TNFAIP8: variants seen among roughly 807,000 people sequenced by gnomAD.
TNFAIP8 encodes the protein TNF alpha induced protein 8.
Under a neutral mutation model 13.3 loss-of-function variants are expected in TNFAIP8, and 7 were observed. The observed-to-expected ratio is 0.52, with a 90% CI of 0.30 to 0.99. The LOEUF is 0.99. TNFAIP8 is among the 50% of genes least tolerant of loss of function. The pLI, the probability that TNFAIP8 is intolerant of heterozygous loss-of-function variation, is 0.07. For synonymous variants in TNFAIP8, 94 were observed against 87.6 expected (o/e 1.07, Z -0.41); for missense variants, 258 against 236.9 (o/e 1.09, Z -0.58).
upstream of TNFAIP8, among the ~76,000 whole-genome samples, chr5:119,352,810 C>T (rs938485105): frequency 2.6e-5 from 4 of 152,182 alleles, no homozygotes; most frequent in East Asian, 3.8e-4. Flanking sequence ...ATAAACCTTC[C>T]TTAGAACCAA....
At chr5:119,375,567 T>C (rs538400226) in intron 1 of TNFAIP8, among the ~76,000 whole-genome samples, 7 of 152,222 alleles carry the variant, frequency 4.6e-5, no homozygotes, top group Non-Finnish European at 1.0e-4. Context: ...GAAAACGTTT[T>C]TCAGTTCTTA....
At chr5:119,323,060 G>T (rs1169468493) in intron 1 of TNFAIP8, among the ~76,000 whole-genome samples, 2 of 152,074 alleles carry the variant, frequency 1.3e-5, no homozygotes, top group Non-Finnish European at 2.9e-5. Flanking sequence ...CAGTTCTCCC[G>T]TGAATAGCTG....
chr5:119,278,833 T>G (rs571512449), intron 1 of TNFAIP8, among the ~76,000 whole-genome samples: 104 of 152,354 alleles, frequency 6.8e-4, no homozygotes, highest in Admixed American at 1.2e-3. Context: ...ACATAATTAC[T>G]ACTAGCAGTG....
In TNFAIP8 at chr5:119,294,014, T is replaced by A. The variant is rs75777680; in HGVS notation, c.1+25107T>A. ...AGTATATCAATTCACTTTTAACGTG[T>A]TAGCTCTTCCCAATACCTTCTTTTT... On this transcript the variant is annotated intron_variant, in intron 1 of 1. Transcript: ENST00000274456. Among the ~76,000 whole-genome samples the A allele has an allele frequency of 7.9e-3, 1,200 of 152,282 alleles. 12 individuals are homozygous for A. The highest frequency in any genetic ancestry group is 0.027 in the African/African-American group (1,127 of 41,550).
intron 1 of TNFAIP8, among the ~76,000 whole-genome samples, chr5:119,321,813 C>T (rs1037896882): frequency 1.3e-5 from 2 of 152,182 alleles, no homozygotes; most frequent in East Asian, 1.9e-4. Context: ...CAGTCATTCC[C>T]TTGCTCCAAC....
intron 1 of TNFAIP8, among the ~76,000 whole-genome samples, chr5:119,309,409 T>C (rs1457397754): frequency 6.6e-6 from 1 of 152,184 alleles, no homozygotes; most frequent in Admixed American, 6.5e-5. Flanking sequence ...CTGGACCCTT[T>C]TGAGAATCTG....
chr5:119,346,165 T>C (rs1020510005), intron 1 of TNFAIP8, among the ~76,000 whole-genome samples: 9 of 152,104 alleles, frequency 5.9e-5, no homozygotes, highest in Admixed American at 5.2e-4. Context: ...ATCTACCCTC[T>C]AAGATGCTAA....
chr5:119,377,683 TA>T (rs1346565741), intron 1 of TNFAIP8, among the ~76,000 whole-genome samples: 1 of 152,212 alleles, frequency 6.6e-6, no homozygotes, highest in African/African-American at 2.4e-5. Context: ...TGATCACTCT[TA>T]ACCTTCCCAC....
At chr5:119,325,798 A>T (rs563286668) in intron 1 of TNFAIP8, among the ~76,000 whole-genome samples, 1 of 152,104 alleles carries the variant, frequency 6.6e-6, no homozygotes, top group Non-Finnish European at 1.5e-5. Context: ...CACTGTAGCC[A>T]CACCAGCCCC....
intron 1 of TNFAIP8, among the ~76,000 whole-genome samples, chr5:119,365,172 T>G (rs1390177565): frequency 2.8e-4 from 42 of 152,120 alleles, no homozygotes; most frequent in Non-Finnish European, 1.5e-5. Context: ...AATTTTTATT[T>G]GCTCCCTTTG....
At chr5:119,313,094 A>G (rs1411943396) in intron 1 of TNFAIP8, among the ~76,000 whole-genome samples, 1 of 152,220 alleles carries the variant, frequency 6.6e-6, no homozygotes, top group African/African-American at 2.4e-5. Context: ...CACTGAGAAG[A>G]TATTATATGC....
At chr5:119,277,506 G>A (rs1256869148) in intron 1 of TNFAIP8, among the ~76,000 whole-genome samples, 6 of 152,180 alleles carry the variant, frequency 3.9e-5, no homozygotes, top group African/African-American at 9.6e-5. Flanking sequence ...CACACTTGGC[G>A]TCTGTGTGTC....
At chr5:119,341,082 T>C (rs1750721245) in intron 1 of TNFAIP8, among the ~76,000 whole-genome samples, 1 of 138,624 alleles carries the variant, frequency 7.2e-6, no homozygotes, top group Non-Finnish European at 1.5e-5. Flanking sequence ...GTTTTTGGTC[T>C]CCTGCTTTTT....
intron 1 of TNFAIP8, among the ~76,000 whole-genome samples, chr5:119,298,837 C>T (rs1419065284): frequency 2.0e-5 from 3 of 152,184 alleles, no homozygotes; most frequent in Non-Finnish European, 4.4e-5. Context: ...AACTTCCCTT[C>T]TCACTTCATT....
At chr5:119,284,226 A>T (rs916163446) in intron 1 of TNFAIP8, among the ~76,000 whole-genome samples, 1 of 152,198 alleles carries the variant, frequency 6.6e-6, no homozygotes, top group Non-Finnish European at 1.5e-5. Context: ...CCATATTGCC[A>T]TAGTTCCTCT....
intron 1 of TNFAIP8, among the ~76,000 whole-genome samples, chr5:119,299,607 T>C (rs1024702947): frequency 1.3e-5 from 2 of 152,210 alleles, no homozygotes; most frequent in African/African-American, 4.8e-5. Context: ...GATCTCCAGC[T>C]GTGTGCTGGG....
rs376587586 is a variant in TNFAIP8, at chr5:119,312,980, G to A, written c.1+44073G>A. Among the ~76,000 whole-genome samples the A allele has an allele frequency of 7.9e-5, 12 of 151,952 alleles. No individual in the cohort carries two copies. In the East Asian group the frequency reaches 1.2e-3, roughly 15 times the overall value. ...GAAAATAGGCTATCTAATAAAAACC[G>A]GGACAAATACTTGTTTTGATTATTA... On this transcript the variant is annotated intron_variant, in intron 1 of 1. Transcript: ENST00000274456.
chr5:119,331,846 C>T lies in TNFAIP8; in HGVS notation c.2-60970C>T, dbSNP rs74820818. On this transcript the variant is annotated intron_variant, in intron 1 of 1. Coordinates refer to the TNFAIP8 transcript ENST00000274456. ...TTTAGGGAAATGTGAGAGGCCTGTTCCACTGTTTAGATGCAGTATTTCTGC... is the reference window on the plus strand; with the variant it reads ...TTTAGGGAAATGTGAGAGGCCTGTTTCACTGTTTAGATGCAGTATTTCTGC... Among the ~76,000 whole-genome samples the T allele has an allele frequency of 3.6e-3, 543 of 152,258 alleles. 3 individuals are homozygous for T. Among genetic ancestry groups the T allele is most frequent in the African/African-American group, 0.013 (520 of 41,544 alleles).
At chr5:119,384,866 G>T (rs1752613420) in intron 1 of TNFAIP8, among the ~76,000 whole-genome samples, 1 of 152,174 alleles carries the variant, frequency 6.6e-6, no homozygotes, top group Non-Finnish European at 1.5e-5. Context: ...TAGAAAAAGA[G>T]CAGAGATGGG....
Sources: allele counts gnomAD v4.1 joint callset (sites outside exome capture counted in the v4.1 genomes callset), GRCh38; gene constraint gnomAD v4.1.1; transcripts MANE v1.5; gene names NCBI Gene and HGNC (gene_info 2026-07-23, HGNC 2026-07-21).